Variants in DISC1 observed in about 807,000 individuals in gnomAD.
DISC1 encodes disrupted in schizophrenia 1 protein.
Under a neutral mutation model 84.5 loss-of-function variants are expected in DISC1, and 57 were observed. The ratio of observed to expected loss-of-function variants is 0.67; its 90% CI spans 0.55 to 0.84. DISC1 has a LOEUF of 0.84. Among genes scored for constraint, DISC1 ranks in the 40% least tolerant of loss-of-function variants. The pLI is 0.00. For missense variants in DISC1, 1,000 were observed against 1,057.8 expected (o/e 0.95, Z 0.76); for synonymous variants, 411 against 415.2 (o/e 0.99, Z 0.12).
chr1:231,889,654 T>C (rs1176195948), intron 9 of DISC1, among the ~76,000 whole-genome samples: 1 of 152,168 alleles, frequency 6.6e-6, no homozygotes, highest in East Asian at 1.9e-4. Context: ...GTGGAAGTGA[T>C]CCCACTGGAT....
chr1:231,880,751 C>A (rs1439366595), intron 9 of DISC1, among the ~76,000 whole-genome samples: 1 of 27,468 alleles, frequency 3.6e-5, no homozygotes, highest in Non-Finnish European at 6.4e-5. Context: ...GAGAGCAAGG[C>A]AAGGTGGGGG....
rs150361487 is a variant in DISC1, at chr1:231,679,550, A to T, written c.68-14276A>T. On this transcript the variant is annotated intron_variant, in intron 1 of 12. Transcript: ENST00000439617. ...CTTTCCACAATGAGAAAACATTGTTATAACTAAAGCACACTTCAGATATTT... is the reference window on the plus strand; with the variant it reads ...CTTTCCACAATGAGAAAACATTGTTTTAACTAAAGCACACTTCAGATATTT... Among the ~76,000 whole-genome samples the T allele has an allele frequency of 2.0e-4, 31 of 152,388 alleles. No individual in the cohort carries two copies. In the East Asian group the frequency reaches 2.5e-3, roughly 12 times the overall value.
At chr1:231,831,986 A>G (rs1417229495) in intron 9 of DISC1, among the ~76,000 whole-genome samples, 1 of 151,344 alleles carries the variant, frequency 6.6e-6, no homozygotes, top group African/African-American at 2.4e-5. Context: ...GGTGAGGAAC[A>G]GGAAAGAAGG....
At chr1:231,801,769 T>C (rs1381875029) in intron 8 of DISC1, among the ~76,000 whole-genome samples, 1 of 152,056 alleles carries the variant, frequency 6.6e-6, no homozygotes, top group Non-Finnish European at 1.5e-5. Flanking sequence ...GGGCAAACCC[T>C]CACTCCATTA....
intron 9 of DISC1, among the ~76,000 whole-genome samples, chr1:231,882,143 G>A (rs10864698): frequency 0.11 from 17,066 of 152,172 alleles, 1,143 homozygotes; most frequent in East Asian, 0.32. Flanking sequence ...TGGGCATAGC[G>A]ATTGTTAACG....
intron 2 of DISC1, among the ~76,000 whole-genome samples, chr1:231,695,641 ATGTT>A (rs1416178897): frequency 6.7e-6 from 1 of 149,510 alleles, no homozygotes; most frequent in African/African-American, 2.5e-5. Flanking sequence ...GTGTGTGTGC[ATGTT>A]TGTGCTGTGT....
chr1:231,724,167 C>T, intron 3 of DISC1: 1 of 443,850 alleles, frequency 2.3e-6, no homozygotes, highest in Non-Finnish European at 3.0e-6. Flanking sequence ...ATTGTCATAT[C>T]CTCTGTGTGG....
At chr1:231,829,204 T>C (rs1008450625) in intron 9 of DISC1, among the ~76,000 whole-genome samples, 1 of 152,214 alleles carries the variant, frequency 6.6e-6, no homozygotes, top group African/African-American at 2.4e-5. Context: ...TACTGCAGAT[T>C]GATTTGCAGG....
chr1:231,923,818 A>C (rs2126086856), intron 9 of DISC1, among the ~76,000 whole-genome samples: 1 of 152,322 alleles, frequency 6.6e-6, no homozygotes, highest in African/African-American at 2.4e-5. Flanking sequence ...TATGGCATAG[A>C]ATGGTGCCAA....
intron 12 of DISC1, among the ~76,000 whole-genome samples, chr1:232,033,763 T>C (rs1353847261): frequency 6.6e-6 from 1 of 152,328 alleles, no homozygotes; most frequent in East Asian, 1.9e-4. Flanking sequence ...GGGAAATGTT[T>C]CCAGTGGTTT....
At chr1:232,026,092 T>A (rs1044008670) in intron 11 of DISC1, among the ~76,000 whole-genome samples, 1 of 152,162 alleles carries the variant, frequency 6.6e-6, no homozygotes, top group South Asian at 2.1e-4. Flanking sequence ...CCACTTTTTT[T>A]AGAATCCCTA....
At chr1:231,725,288 C>T (rs2070468455) in intron 3 of DISC1, among the ~76,000 whole-genome samples, 1 of 152,184 alleles carries the variant, frequency 6.6e-6, no homozygotes. Context: ...TGTTCACAAG[C>T]CTCCTGACCC....
intron 9 of DISC1, among the ~76,000 whole-genome samples, chr1:231,821,384 T>G (rs1274227307): frequency 6.6e-6 from 1 of 152,170 alleles, no homozygotes; most frequent in Non-Finnish European, 1.5e-5. Flanking sequence ...GGAACTGAAA[T>G]ATGCCAAGGT....
chr1:231,673,400 CTAT>C (rs1252692333), intron 1 of DISC1, among the ~76,000 whole-genome samples: 1 of 152,076 alleles, frequency 6.6e-6, no homozygotes, highest in African/African-American at 2.4e-5. Flanking sequence ...TCATAATGCA[CTAT>C]ACCCTTGAAC....
At chr1:231,817,297 C>G (rs1299248022) in intron 8 of DISC1, among the ~76,000 whole-genome samples, 1 of 152,170 alleles carries the variant, frequency 6.6e-6, no homozygotes, top group African/African-American at 2.4e-5. Flanking sequence ...GTTGGCCAGG[C>G]TGGTCTTGAA....
intron 9 of DISC1, among the ~76,000 whole-genome samples, chr1:231,895,804 T>C (rs2087640836): frequency 6.6e-6 from 1 of 152,196 alleles, no homozygotes; most frequent in South Asian, 2.1e-4. Flanking sequence ...CTCACCTACC[T>C]GAACTACTGC....
At position 231,800,230 on chromosome 1, in the gene DISC1, A is replaced by G; in HGVS notation, c.1792+20A>G. 6.3e-7 allele frequency: 1 copy of G among 1,579,478 alleles called. No individual in the cohort carries two copies. The highest frequency in any genetic ancestry group is 8.7e-7 in the Non-Finnish European group (1 of 1,150,170). On this transcript the variant is annotated intron_variant, in intron 8 of 12. Transcript: ENST00000439617. ...TATCAGGTAACTGGCAGTGTAGGAGACGTTGAAGCTATCCAACTAAAATAA... is the reference window on the plus strand; with the variant it reads ...TATCAGGTAACTGGCAGTGTAGGAGGCGTTGAAGCTATCCAACTAAAATAA...
At chr1:231,773,558 G>A (rs1200622246) in intron 6 of DISC1, among the ~76,000 whole-genome samples, 8 of 151,908 alleles carry the variant, frequency 5.3e-5, no homozygotes, top group Non-Finnish European at 1.2e-4. Context: ...CTAATTTTTT[G>A]TATTTTTAGT....
rs1019485177 is a variant in DISC1 at position 231,984,468 on chromosome 1, A to G, written c.2043-24317A>G. On this transcript the variant is annotated intron_variant, in intron 10 of 12. Coordinates refer to ENST00000439617, the MANE Select transcript of DISC1 (RefSeq NM_018662.3). ...AAGAGATGTCACTCAGAAGATCTTGATAAAATGTTCCTCATCCCTAGTGGA... is the reference window on the plus strand; with the variant it reads ...AAGAGATGTCACTCAGAAGATCTTGGTAAAATGTTCCTCATCCCTAGTGGA... 5.9e-5 allele frequency among the ~76,000 whole-genome samples: 9 copies of G among 152,298 alleles called. No homozygotes were observed. In the South Asian group the frequency reaches 1.5e-3, roughly 25 times the overall value.
Sources: gnomAD v4.1 joint callset for allele counts (sites outside exome capture counted in the v4.1 genomes callset) on GRCh38, gnomAD v4.1.1 for gene constraint, MANE v1.5 for transcripts, NCBI Gene and HGNC (gene_info 2026-07-23, HGNC 2026-07-21) for gene names.